The following AGAP1 variants were observed in gnomAD, a reference collection of about 807,000 sequenced individuals.
The protein encoded by AGAP1 is ArfGAP with GTPase domain, ankyrin repeat and PH domain 1.
Under a neutral mutation model 105.3 loss-of-function variants are expected in AGAP1, and 29 were observed. The observed-to-expected ratio is 0.28, with a 90% CI of 0.21 to 0.38. The LOEUF (loss-of-function observed/expected upper bound fraction) is 0.38, where lower values mean the gene tolerates loss of function less well. Among genes scored for constraint, AGAP1 ranks in the 10% least tolerant of loss-of-function variants. AGAP1 has a pLI of 1.00. For missense variants in AGAP1, 998 were observed against 1,165.1 expected, an observed-to-expected ratio of 0.86 and a Z score of 2.09; for synonymous variants, 509 against 485.9, an observed-to-expected ratio of 1.05 and a Z score of -0.63.
At chr2:235,776,456 A>T (rs1344761355) in intron 6 of AGAP1, among the ~76,000 whole-genome samples, 3 of 152,140 alleles carry the variant, frequency 2.0e-5, no homozygotes, top group Admixed American at 2.0e-4. Flanking sequence ...CTCAGATAGG[A>T]TTCTTTCCTG....
intron 9 of AGAP1, among the ~76,000 whole-genome samples, chr2:235,808,514 G>A (rs887034698): frequency 6.6e-6 from 1 of 152,200 alleles, no homozygotes; most frequent in Non-Finnish European, 1.5e-5. Flanking sequence ...TAGGGCCACA[G>A]CATCTTGGGT....
rs1476299441 is a variant in AGAP1, at chr2:235,557,233, G to A, written c.163+62384G>A. ...CTGGGAACTGCCACTTGGAATGAGA[G>A]GGGAAGGCTGGAACTGAGCTGGGCT... On this transcript the variant is annotated intron_variant, in intron 1 of 17. Coordinates refer to ENST00000304032, the MANE Select transcript of AGAP1 (RefSeq NM_001037131.3). The surrounding 1 kb of genome is among the most constrained non-coding windows in gnomAD (Gnocchi z 4.7). 6.6e-6 allele frequency among the ~76,000 whole-genome samples: 1 copy of A among 152,150 alleles called. No individual in the cohort carries two copies. The highest frequency in any genetic ancestry group is 1.5e-5 in the Non-Finnish European group (1 of 68,032).
chr2:235,655,906 A>G lies in AGAP1; in HGVS notation c.164-53273A>G, dbSNP rs142865368. Among the ~76,000 whole-genome samples, 380 of 152,286 alleles carry G rather than the reference A, an allele frequency of 2.5e-3. 2 individuals carry two copies. Among genetic ancestry groups the G allele is most frequent in the Non-Finnish European group, 2.5e-3 (167 of 68,022 alleles). ...ATATGACCCTGGGTTTTGTATGGAA[A>G]AGGGAGGGGGCAGTGCAGGATGTGG... On this transcript the variant is annotated intron_variant, in intron 1 of 17. Coordinates refer to ENST00000304032, the MANE Select transcript of AGAP1 (RefSeq NM_001037131.3). This position sits in a 1 kb window ranked among gnomAD's most constrained non-coding sequence, Gnocchi z 4.3.
intron 10 of AGAP1, among the ~76,000 whole-genome samples, chr2:235,885,821 T>A (rs535429458): frequency 5.4e-4 from 82 of 152,360 alleles, no homozygotes; most frequent in African/African-American, 1.9e-3. Context: ...CATGCGTTAC[T>A]ATTCAGTGGG....
rs144358519 is a variant in AGAP1, at chr2:235,666,938, T to G, written c.164-42241T>G. 2.3e-3 allele frequency among the ~76,000 whole-genome samples: 344 copies of G among 152,194 alleles called. 3 individuals are homozygous for G. Among genetic ancestry groups the G allele is most frequent in the African/African-American group, 8.0e-3 (332 of 41,490 alleles). On this transcript the variant is annotated intron_variant, in intron 1 of 17. Coordinates refer to ENST00000304032, the MANE Select transcript of AGAP1 (RefSeq NM_001037131.3). ...CTCCCCCTCCCACACCTGGCTAAGT[T>G]AGGAGCCCAGGGTTCTGGTCCCACC...
chr2:235,868,563 C>T (rs534027018), intron 9 of AGAP1, among the ~76,000 whole-genome samples: 91 of 152,248 alleles, frequency 6.0e-4, no homozygotes, highest in Non-Finnish European at 8.5e-4. Flanking sequence ...GATCCCTGTG[C>T]GAGCAGAGGC....
chr2:235,643,210 A>G (rs1452066280), intron 1 of AGAP1, among the ~76,000 whole-genome samples: 1 of 151,940 alleles, frequency 6.6e-6, no homozygotes, highest in African/African-American at 2.4e-5. Flanking sequence ...AGGCGGGTGG[A>G]TCACGAGGTC....
At position 236,125,480 on chromosome 2, in the gene AGAP1, A is replaced by G. The variant is rs1003086742; in HGVS notation, c.*1358A>G. Reference sequence around the variant, plus strand: ...GCTTATTAAAATTGAGAAAGAAAAAAAAAGACACACTGGAGTATATTAGAA... The same window carrying G: ...GCTTATTAAAATTGAGAAAGAAAAAGAAAGACACACTGGAGTATATTAGAA... On this transcript the variant is annotated 3_prime_UTR_variant, in exon 18 of 18. Transcript: ENST00000304032. The surrounding 1 kb of genome is among the most constrained non-coding windows in gnomAD (Gnocchi z 5.2). 8.5e-5 allele frequency: 13 copies of G among 152,266 alleles called. No homozygotes were observed. Among genetic ancestry groups the G allele is most frequent in the South Asian group, 8.3e-4 (4 of 4,828 alleles). The allele number at this position is 152,266 out of a possible 1,614,324, so 9.4% of individuals were successfully genotyped here. A position where few individuals can be genotyped will look rare whatever the true frequency, so the allele number is the denominator to read the frequency against.
Position 235,864,004 on chromosome 2 carries a change from A to G in AGAP1, c.1051-19341A>G, listed in dbSNP as rs1177722092. ...AATCTTTTATGCGGAGGACTTGTAA[A>G]TATTTTCCATAGATATAAAAGTCGA... On this transcript the variant is annotated intron_variant, in intron 9 of 17. Transcript: ENST00000304032. This position sits in a 1 kb window ranked among gnomAD's most constrained non-coding sequence, Gnocchi z 5.0. 1.3e-5 allele frequency among the ~76,000 whole-genome samples: 2 copies of G among 152,194 alleles called. No homozygotes were observed. The highest frequency in any genetic ancestry group is 2.9e-5 in the Non-Finnish European group (2 of 68,032).
In AGAP1 at chr2:235,889,316, CT is replaced by C. The variant is rs2050415555; in HGVS notation, c.1155+5868del. On this transcript the variant is annotated intron_variant, in intron 10 of 17. Transcript: ENST00000304032. This position sits in a 1 kb window ranked among gnomAD's most constrained non-coding sequence, Gnocchi z 4.6. Reference sequence around the variant, plus strand: ...CCTGACATTGCAGGACACCGTGGGGCTGGTGTGAGGCTGAAAATGTACCTAG... The same window carrying C: ...CCTGACATTGCAGGACACCGTGGGGCGGTGTGAGGCTGAAAATGTACCTAG... 3.3e-5 allele frequency among the ~76,000 whole-genome samples: 5 copies of C among 152,252 alleles called. No homozygotes were observed. The highest frequency in any genetic ancestry group is 1.2e-4 in the African/African-American group (5 of 41,540).
At chr2:235,626,885 T>TGGATTTGGCCTGTGGCCC (rs1173995866) in intron 1 of AGAP1, among the ~76,000 whole-genome samples, 2 of 152,232 alleles carry the variant, frequency 1.3e-5, no homozygotes, top group African/African-American at 2.4e-5. Context: ...CATGGTGGGC[T>TGGATTTGGCCTGTGGCCC]GGATTTGGCC....
chr2:236,095,207 G>A lies in AGAP1; in HGVS notation c.2115-24985G>A, dbSNP rs1402775356. On this transcript the variant is annotated intron_variant, in intron 16 of 17. Coordinates refer to ENST00000304032, the MANE Select transcript of AGAP1 (RefSeq NM_001037131.3). The surrounding 1 kb of genome is among the most constrained non-coding windows in gnomAD (Gnocchi z 4.1). The stretch of plus-strand genomic sequence containing the variant: ...AGCTCAGGAGTTCGAGACCAGCCTG[G>A]GAACTGTGGTGAAACCCCGTCTCTA... Among the ~76,000 whole-genome samples, 2 of 152,036 alleles carry A rather than the reference G, an allele frequency of 1.3e-5. No individual in the cohort carries two copies. Among genetic ancestry groups the A allele is most frequent in the African/African-American group, 4.8e-5 (2 of 41,380 alleles).
At chr2:235,813,913 C>A (rs1305759757) in intron 9 of AGAP1, among the ~76,000 whole-genome samples, 1 of 152,156 alleles carries the variant, frequency 6.6e-6, no homozygotes, top group East Asian at 1.9e-4. Flanking sequence ...GTGGTCTTAC[C>A]CTGGAGTCGG....
chr2:236,065,245 T>C (rs2125773419), intron 16 of AGAP1, among the ~76,000 whole-genome samples: 1 of 152,286 alleles, frequency 6.6e-6, no homozygotes, highest in Non-Finnish European at 1.5e-5. Context: ...CCAAGGGAAG[T>C]TCAATAACTT....
Position 235,702,146 on chromosome 2 carries a change from G to T in AGAP1, c.164-7033G>T, listed in dbSNP as rs377313551. Among the ~76,000 whole-genome samples the T allele has an allele frequency of 5.3e-5, 8 of 152,264 alleles. No homozygotes were observed. The East Asian group carries it at 9.7e-4, about 18-fold the overall frequency. ...TTCCTGGAGCCAAACAGAATTGGGG[G>T]CTGGGCTGGGGGTGAACGTGACACG... On this transcript the variant is annotated intron_variant, in intron 1 of 17. Transcript: ENST00000304032.
In AGAP1 at chr2:235,981,562, A is replaced by C. The variant is rs1357661065; in HGVS notation, c.1645+12939A>C. On this transcript the variant is annotated intron_variant, in intron 13 of 17. Coordinates refer to ENST00000304032, the MANE Select transcript of AGAP1 (RefSeq NM_001037131.3). This position sits in a 1 kb window ranked among gnomAD's most constrained non-coding sequence, Gnocchi z 5.5. ...TTAGTGATGCCTCTTTCAAAGAGGA[A>C]ATCAATCACGAAACAGAAACTCAGA... is the stretch of plus-strand genomic sequence containing the variant. 6.6e-6 allele frequency among the ~76,000 whole-genome samples: 1 copy of C among 152,168 alleles called. No individual in the cohort carries two copies. The highest frequency in any genetic ancestry group is 1.5e-5 in the Non-Finnish European group (1 of 68,038).
At chr2:235,512,485 T>C (rs974170123) in intron 1 of AGAP1, among the ~76,000 whole-genome samples, 1 of 152,160 alleles carries the variant, frequency 6.6e-6, no homozygotes, top group Non-Finnish European at 1.5e-5. Context: ...TCCCAGCTGC[T>C]CAGGAGGCTG....
chr2:235,630,642 G>T (rs1422554067), intron 1 of AGAP1, among the ~76,000 whole-genome samples: 1 of 152,242 alleles, frequency 6.6e-6, no homozygotes, highest in Non-Finnish European at 1.5e-5. Context: ...AAAGAATTAG[G>T]GGGTTAGTTT....
intron 11 of AGAP1, among the ~76,000 whole-genome samples, chr2:235,914,319 G>A (rs1235375854): frequency 6.6e-6 from 1 of 152,196 alleles, no homozygotes; most frequent in Non-Finnish European, 1.5e-5. Flanking sequence ...TGAGTCTGCT[G>A]TATGCCCACC....
Sources: gnomAD v4.1 joint callset for allele counts (sites outside exome capture counted in the v4.1 genomes callset) on GRCh38, gnomAD v4.1.1 for gene constraint, Gnocchi (gnomAD v3.1) non-coding constraint, MANE v1.5 for transcripts, NCBI Gene and HGNC (gene_info 2026-07-23, HGNC 2026-07-21) for gene names.